Variants in MYRIP observed in about 807,000 individuals in gnomAD.
The protein encoded by MYRIP is myosin VIIA and Rab interacting protein, also known as rab effector MyRIP.
Under a neutral mutation model 98.0 loss-of-function variants are expected in MYRIP, and 49 were observed. The ratio of observed to expected loss-of-function variants is 0.50; its 90% confidence interval spans 0.40 to 0.63. The LOEUF (loss-of-function observed/expected upper bound fraction) is 0.63. MYRIP is among the 30% of genes least tolerant of loss of function. MYRIP has a pLI of 0.00. For synonymous variants in MYRIP, 404 were observed against 409.5 expected (o/e 0.99, Z 0.16); for missense variants, 1,004 against 1,058.2 (o/e 0.95, Z 0.71).
intron 1 of MYRIP, among the ~76,000 whole-genome samples, chr3:39,872,673 T>G (rs1318699145): frequency 1.3e-5 from 2 of 152,056 alleles, no homozygotes; most frequent in Non-Finnish European, 2.9e-5. Flanking sequence ...GAACTCATCA[T>G]TTTTTATGGC....
intron 1 of MYRIP, among the ~76,000 whole-genome samples, chr3:39,851,849 TGTG>T (rs1942138797): frequency 6.6e-6 from 1 of 152,010 alleles, no homozygotes; most frequent in Non-Finnish European, 1.5e-5. Flanking sequence ...CTGGTAGTTT[TGTG>T]GTGATGGCAT....
intron 2 of MYRIP, among the ~76,000 whole-genome samples, chr3:39,905,739 TAG>T (rs796597748): frequency 1.2e-4 from 19 of 152,354 alleles, no homozygotes; most frequent in African/African-American, 4.6e-4. Flanking sequence ...AGCCCTTATA[TAG>T]TTACGATTGA....
chr3:40,063,384 G>T (rs1453426662), intron 3 of MYRIP, among the ~76,000 whole-genome samples: 1 of 152,120 alleles, frequency 6.6e-6, no homozygotes, highest in Admixed American at 6.5e-5. Flanking sequence ...GAGTGTCCTT[G>T]TTCTTGGAAA....
At chr3:40,257,032 T>C (rs1475650021) in intron 16 of MYRIP, among the ~76,000 whole-genome samples, 3 of 152,142 alleles carry the variant, frequency 2.0e-5, no homozygotes, top group African/African-American at 4.8e-5. Context: ...CATTCAGTAA[T>C]AAATTACAGT....
intron 3 of MYRIP, among the ~76,000 whole-genome samples, chr3:40,096,515 C>G (rs1206525912): frequency 6.6e-6 from 1 of 152,212 alleles, no homozygotes; most frequent in Non-Finnish European, 1.5e-5. Context: ...GAGTTTGACT[C>G]CCCGCAACCA....
chr3:39,914,501 T>C (rs567302406), intron 2 of MYRIP, among the ~76,000 whole-genome samples: 3 of 152,078 alleles, frequency 2.0e-5, no homozygotes, highest in African/African-American at 2.4e-5. Context: ...GCCAATAATA[T>C]AGTCAAAAAA....
chr3:39,917,130 T>C (rs890430508), intron 2 of MYRIP, among the ~76,000 whole-genome samples: 1 of 152,132 alleles, frequency 6.6e-6, no homozygotes, highest in Non-Finnish European at 1.5e-5. Context: ...TATCCTGTTT[T>C]TGTCTTCACT....
intron 2 of MYRIP, among the ~76,000 whole-genome samples, chr3:39,957,626 G>A (rs1324580540): frequency 1.3e-5 from 2 of 152,108 alleles, no homozygotes; most frequent in African/African-American, 4.8e-5. Flanking sequence ...CACAAGACAG[G>A]GATGCCCTCT....
chr3:39,866,136 A>G (rs1363260220), intron 1 of MYRIP, among the ~76,000 whole-genome samples: 3 of 152,132 alleles, frequency 2.0e-5, no homozygotes, highest in Non-Finnish European at 4.4e-5. Context: ...GTACATATGG[A>G]CACAAAGATG....
chr3:40,093,729 C>T (rs1370336599), intron 3 of MYRIP, among the ~76,000 whole-genome samples: 1 of 152,210 alleles, frequency 6.6e-6, no homozygotes, highest in Non-Finnish European at 1.5e-5. Context: ...TCATAGTTTA[C>T]TTCTCTCCCA....
At chr3:39,909,086 T>G (rs1943953490) in intron 2 of MYRIP, among the ~76,000 whole-genome samples, 1 of 152,104 alleles carries the variant, frequency 6.6e-6, no homozygotes, top group Non-Finnish European at 1.5e-5. Flanking sequence ...CAGGTGCATT[T>G]AATGGTGCAG....
At chr3:39,827,383 G>C (rs1444093870) in intron 1 of MYRIP, among the ~76,000 whole-genome samples, 1 of 152,118 alleles carries the variant, frequency 6.6e-6, no homozygotes, top group Non-Finnish European at 1.5e-5. Flanking sequence ...CAAATACTCA[G>C]TTTATAGGCG....
At chr3:40,042,142 C>T (rs1947549201) in intron 2 of MYRIP, among the ~76,000 whole-genome samples, 1 of 143,766 alleles carries the variant, frequency 7.0e-6, no homozygotes, top group South Asian at 2.3e-4. Flanking sequence ...CACAGCTTTA[C>T]AGATCAACTT....
chr3:40,229,973 C>A (rs555784513), intron 11 of MYRIP, among the ~76,000 whole-genome samples: 3 of 152,178 alleles, frequency 2.0e-5, no homozygotes, highest in Non-Finnish European at 4.4e-5. Context: ...ATGTATCTGG[C>A]ACCTAATAAA....
intron 11 of MYRIP, among the ~76,000 whole-genome samples, chr3:40,218,613 TATATA>T (rs1287526149): frequency 0.012 from 196 of 16,210 alleles, no homozygotes; most frequent in Non-Finnish European, 0.032. Context: ...ATATATATTT[TATATA>T]TATATATATA....
At chr3:39,837,267 G>A (rs1051374298) in intron 1 of MYRIP, among the ~76,000 whole-genome samples, 7 of 152,176 alleles carry the variant, frequency 4.6e-5, no homozygotes, top group Admixed American at 2.6e-4. Flanking sequence ...TACTTTTGGC[G>A]TTTTAGTCAT....
chr3:40,082,076 A>T (rs530678528), intron 3 of MYRIP, among the ~76,000 whole-genome samples: 3 of 152,356 alleles, frequency 2.0e-5, no homozygotes, highest in African/African-American at 7.2e-5. Flanking sequence ...AATGGCCATT[A>T]TCAAAAAGAC....
chr3:40,124,806 G>T (rs1333291844), intron 3 of MYRIP, among the ~76,000 whole-genome samples: 2 of 152,182 alleles, frequency 1.3e-5, no homozygotes, highest in South Asian at 4.1e-4. Flanking sequence ...ACCTGGCATG[G>T]CTGCTGTGCC....
At chr3:39,923,807 G>A (rs377606051) in intron 2 of MYRIP, among the ~76,000 whole-genome samples, 1 of 152,020 alleles carries the variant, frequency 6.6e-6, no homozygotes, top group South Asian at 2.1e-4. Context: ...ACTGTTTGAT[G>A]TTTTAAATGC....
Sources: allele counts gnomAD v4.1 joint callset (sites outside exome capture counted in the v4.1 genomes callset), GRCh38; gene constraint gnomAD v4.1.1; transcripts MANE v1.5; gene names NCBI Gene and HGNC (gene_info 2026-07-23, HGNC 2026-07-21).